EXOSC8: variants seen among roughly 807,000 people sequenced by gnomAD.
The protein encoded by EXOSC8 is exosome complex component RRP43.
Under a neutral mutation model 39.9 loss-of-function variants are expected in EXOSC8, and 37 were observed. That is an observed-to-expected ratio of 0.93 (90% confidence interval 0.71 to 1.22). EXOSC8 has a LOEUF of 1.22. Among genes scored for constraint, EXOSC8 ranks in the 50% most tolerant of loss-of-function variants. The pLI, the probability that EXOSC8 is intolerant of heterozygous loss-of-function variation, is 0.00. For missense variants in EXOSC8, 313 were observed against 326.6 expected (o/e 0.96, Z 0.32); for synonymous variants, 93 against 109.5 (o/e 0.85, Z 0.94).
At chr13:37,003,142 T>A in intron 4 of EXOSC8, 135 bp downstream of exon 4, 1 of 610,978 alleles carries the variant, frequency 1.6e-6, no homozygotes, top group South Asian at 2.1e-5. Context: ...TCCCAAGAGC[T>A]TTCACTATGA....
At chr13:37,007,485 T>A (rs2059149865) in intron 8 of EXOSC8, among the ~76,000 whole-genome samples, 2 of 152,210 alleles carry the variant, frequency 1.3e-5, no homozygotes, top group African/African-American at 4.8e-5. Flanking sequence ...CTAGGTTGAC[T>A]GATTAGTTAC....
chr13:37,006,180 T>G lies in EXOSC8; in HGVS notation c.390+20T>G. On this transcript the variant is annotated intron_variant, in intron 7 of 10. Transcript: ENST00000389704. ...GGAAAGGTAAGAGGAATAGAGAAGC[T>G]ATAAGTTCTTATTAATTCTGAAGGG... 6.5e-7 allele frequency: 1 copy of G among 1,539,864 alleles called. No homozygotes were observed. The highest frequency in any genetic ancestry group is 8.9e-7 in the Non-Finnish European group (1 of 1,125,358).
In EXOSC8 at chr13:37,007,042, C is replaced by T; in HGVS notation, c.458C>T (p.Thr153Ile). 1 of 1,612,994 alleles carries T rather than the reference C, an allele frequency of 6.2e-7. No homozygotes were observed. ...DYDGNILDAC[T>I]FALLAALKNV... ...GATGGAAACATTTTGGATGCCTGCA[C>T]ATTTGCTTTGCTAGCGGCTTTAAAA... Residue 153 changes from threonine to isoleucine, a missense_variant, in exon 8 of 11, where the codon ACA becomes ATA. Thr to Ile is a moderately conservative substitution (Grantham distance 89, BLOSUM62 -1). Transcript: ENST00000389704.
chr13:37,004,526 C>G lies in EXOSC8; in HGVS notation c.203C>G (p.Ala68Gly). Residue 68 changes from alanine (A) to glycine (G), a missense_variant, in exon 5 of 11, where the codon GCA becomes GGA. Ala to Gly is a moderately conservative substitution (Grantham distance 60). Transcript: ENST00000389704. The part of the protein sequence containing the change: ...VICGVKAEFA[A>G]PSTDAPDKGY... ...TCTTTGCTACTATAGGAATTTGCAGCACCATCAACAGATGCCCCTGATAAA... is the reference window on the plus strand; with the variant it reads ...TCTTTGCTACTATAGGAATTTGCAGGACCATCAACAGATGCCCCTGATAAA... 6.2e-7 allele frequency: 1 copy of G among 1,607,192 alleles called. No homozygotes were observed. The highest frequency in any genetic ancestry group is 2.2e-5 in the East Asian group (1 of 44,776).
chr13:37,001,781 C>T (rs2059107348), intron 1 of EXOSC8: 1 of 152,666 alleles, frequency 6.6e-6, no homozygotes, highest in African/African-American at 2.4e-5. Flanking sequence ...TCTGTGGTCT[C>T]CGTGGTTGTT....
At chr13:37,004,149 G>T (rs533909154) in intron 4 of EXOSC8, 2 of 164,488 alleles carry the variant, frequency 1.2e-5, no homozygotes, top group East Asian at 3.3e-4. Flanking sequence ...TGGGATTACC[G>T]GTGTGAGCCA....
intron 1 of EXOSC8, chr13:37,001,555 GATAAA>G (rs890059583): frequency 6.6e-6 from 1 of 152,118 alleles, no homozygotes; most frequent in African/African-American, 2.4e-5. Flanking sequence ...TTAAAAAATG[GATAAA>G]ATAAATAGGA....
chr13:37,008,055 A>G lies in EXOSC8; in HGVS notation c.488-2A>G, dbSNP rs1221955017. ...TTACTTTACAAATTTGCCTTTTCTTAGTACAGTTGCCTGAAGTTACTATAA... is the reference window on the plus strand; with the variant it reads ...TTACTTTACAAATTTGCCTTTTCTTGGTACAGTTGCCTGAAGTTACTATAA... On this transcript the variant is annotated splice_acceptor_variant, in intron 8 of 10. Transcript: ENST00000389704. LOFTEE classifies it high-confidence loss of function. 7 of 1,584,854 alleles carry G rather than the reference A, an allele frequency of 4.4e-6. No homozygotes were observed. In the South Asian group the frequency reaches 6.9e-5, roughly 16 times the overall value.
At chr13:37,002,238 G>A (rs201843398) in intron 1 of EXOSC8, 35 bp from the exon 2 acceptor site, 3 of 1,538,130 alleles carry the variant, frequency 2.0e-6, no homozygotes, top group Non-Finnish European at 2.7e-6. Flanking sequence ...AGATTCATCA[G>A]TTTATCTCAG....
chr13:37,009,502 A>G lies in EXOSC8; in HGVS notation c.*203A>G. ...AGGCAAACCAACCCTAGTTTGTTAA[A>G]CCATTTCCCTGTTTTTATTTAAAAA... On this transcript the variant is annotated 3_prime_UTR_variant, in exon 11 of 11. Transcript: ENST00000389704. The G allele has an allele frequency of 1.1e-6, 1 of 933,718 alleles. No individual in the cohort carries two copies. Among genetic ancestry groups the G allele is most frequent in the Non-Finnish European group, 1.6e-6 (1 of 616,460 alleles). 57.8% of individuals were successfully genotyped at this position (933,718 alleles called of 1,614,324 possible).
Sources: allele counts gnomAD v4.1 joint callset (sites outside exome capture counted in the v4.1 genomes callset), GRCh38; gene constraint gnomAD v4.1.1; transcripts MANE v1.5; gene names NCBI Gene and HGNC (gene_info 2026-07-23, HGNC 2026-07-21).